The following CRACD variants were observed in gnomAD, a reference collection of about 807,000 sequenced individuals.
CRACD encodes capping protein-inhibiting regulator of actin dynamics.
A neutral mutation model predicts 106.8 loss-of-function variants in CRACD; 56 were observed. The observed-to-expected ratio is 0.52, with a 90% CI of 0.42 to 0.66. CRACD has a LOEUF of 0.66. Among genes scored for constraint, CRACD ranks in the 30% least tolerant of loss-of-function variants. The pLI is 0.00. For synonymous variants in CRACD, 754 were observed against 670.8 expected (o/e 1.12, Z -1.92); for missense variants, 1,730 against 1,623.2 (o/e 1.07, Z -1.13).
At chr4:56,095,505 G>A (rs1733571178) in intron 1 of CRACD, among the ~76,000 whole-genome samples, 1 of 152,138 alleles carries the variant, frequency 6.6e-6, no homozygotes, top group Non-Finnish European at 1.5e-5. Flanking sequence ...TGAAGAAATC[G>A]AGGTGGTAGC....
intron 2 of CRACD, among the ~76,000 whole-genome samples, chr4:56,217,403 A>G (rs1481207539): frequency 6.6e-6 from 1 of 150,614 alleles, no homozygotes; most frequent in Non-Finnish European, 1.5e-5. Context: ...ATGTAAAAGT[A>G]CATTGGTTCA....
Position 56,324,138 on chromosome 4 carries a change from TCAG to T in CRACD, c.3417_3419del (p.Ser1139del). On this transcript the variant is annotated inframe_deletion, in exon 10 of 11. Transcript: ENST00000682029. ...AGCGTGCAGCCTGGAAGCAGCAGTG[TCAG>T]CAGAGCAGGTTCCCTGCACAAGTCC... 1 of 1,613,860 alleles carries T rather than the reference TCAG, an allele frequency of 6.2e-7. No individual in the cohort carries two copies. Among genetic ancestry groups the T allele is most frequent in the Non-Finnish European group, 8.5e-7 (1 of 1,179,856 alleles).
At chr4:56,112,751 T>C (rs986771771) in intron 1 of CRACD, among the ~76,000 whole-genome samples, 3 of 152,116 alleles carry the variant, frequency 2.0e-5, no homozygotes, top group African/African-American at 4.8e-5. Flanking sequence ...TATTACCTTT[T>C]TGCTTGTCAG....
intron 1 of CRACD, among the ~76,000 whole-genome samples, chr4:56,065,586 T>C (rs1392172260): frequency 6.6e-6 from 1 of 152,220 alleles, no homozygotes; most frequent in African/African-American, 2.4e-5. Flanking sequence ...CAACTTCAGC[T>C]AAGTGTGCAC....
At chr4:56,116,107 TTGCACCAGGCTTAAGCTGTAAGAGATTG>T (rs1332097339) in intron 1 of CRACD, among the ~76,000 whole-genome samples, 2 of 152,220 alleles carry the variant, frequency 1.3e-5, no homozygotes, top group African/African-American at 4.8e-5. Context: ...TGATAATAAA[TTGCACCAGGCTTAAGCTGTAAGAGATTG>T]TAAGTCTTCT....
At chr4:56,239,185 C>T (rs1460153941) in intron 2 of CRACD, among the ~76,000 whole-genome samples, 2 of 151,984 alleles carry the variant, frequency 1.3e-5, no homozygotes, top group Admixed American at 1.3e-4. Flanking sequence ...CTCAGCTACT[C>T]AGGAGGCTGA....
At chr4:56,121,770 G>A (rs1468872173) in intron 1 of CRACD, among the ~76,000 whole-genome samples, 3 of 152,104 alleles carry the variant, frequency 2.0e-5, no homozygotes, top group Non-Finnish European at 4.4e-5. Context: ...TGTATCAGTG[G>A]GCATTCTGCA....
chr4:56,263,297 A>G (rs1577824544), intron 2 of CRACD, among the ~76,000 whole-genome samples: 2 of 152,204 alleles, frequency 1.3e-5, no homozygotes, highest in East Asian at 3.8e-4. Flanking sequence ...AGGCACAGTT[A>G]CAAAACAGCA....
At chr4:56,225,142 G>T (rs1412642984) in intron 2 of CRACD, among the ~76,000 whole-genome samples, 1 of 152,206 alleles carries the variant, frequency 6.6e-6, no homozygotes, top group East Asian at 1.9e-4. Flanking sequence ...AGGCTGGAGT[G>T]CAGTGGCACG....
chr4:56,109,864 A>G (rs373294742), intron 1 of CRACD, among the ~76,000 whole-genome samples: 344 of 152,250 alleles, frequency 2.3e-3, no homozygotes, highest in African/African-American at 7.6e-3. Flanking sequence ...CATGAGGCCC[A>G]ACATTCAAAT....
chr4:56,141,063 T>C (rs1366339886), intron 1 of CRACD, among the ~76,000 whole-genome samples: 1 of 152,202 alleles, frequency 6.6e-6, no homozygotes, highest in Admixed American at 6.5e-5. Context: ...GGCTTGTGGA[T>C]TGGAATACCT....
At chr4:56,163,813 T>C (rs1198985931) in intron 1 of CRACD, among the ~76,000 whole-genome samples, 1 of 152,116 alleles carries the variant, frequency 6.6e-6, no homozygotes. Flanking sequence ...TGGCACAGTC[T>C]CAGCTTACTG....
chr4:56,141,922 GACCTCAA>G (rs1469685734), intron 1 of CRACD, among the ~76,000 whole-genome samples: 1 of 151,740 alleles, frequency 6.6e-6, no homozygotes, highest in Admixed American at 6.6e-5. Context: ...TCCATCTCTT[GACCTCAA>G]GTGATCCTCC....
intron 1 of CRACD, among the ~76,000 whole-genome samples, chr4:56,159,383 G>T (rs1485091621): frequency 6.6e-6 from 1 of 152,218 alleles, no homozygotes; most frequent in Non-Finnish European, 1.5e-5. Flanking sequence ...GGACGCGGTG[G>T]CTCACGCCTG....
rs1745480346 is a variant in CRACD, at chr4:56,314,975, C to T, written c.1473C>T (p.Leu491=). The T allele has an allele frequency of 1.3e-6, 2 of 1,588,150 alleles. No homozygotes were observed. The highest frequency in any genetic ancestry group is 1.7e-6 in the Non-Finnish European group (2 of 1,168,736). Residue 491 remains leucine (L), a synonymous_variant, in exon 8 of 11, where the codon CTC becomes CTT. Transcript: ENST00000682029. The surrounding 1 kb of genome is among the most constrained non-coding windows in gnomAD (Gnocchi z 4.4). ...EKREEGDTEP[L]LKQEGPVEAA... ...GAGAAGAAGGGGACACGGAGCCTCT[C>T]CTGAAACAAGAGGGGCCGGTGGAAG...
rs532850080 is a variant in CRACD, at chr4:56,270,844, G to T, written c.-188-1477G>T. ...CGCCTGTAATCACAGCACTTTGGGA[G>T]GCCAAGGCGGACGGATCATTTGAGG... is the stretch of plus-strand genomic sequence containing the variant. On this transcript the variant is annotated intron_variant, in intron 2 of 10. Transcript: ENST00000682029. Among the ~76,000 whole-genome samples, 6 of 152,240 alleles carry T rather than the reference G, an allele frequency of 3.9e-5. No individual in the cohort carries two copies. In the South Asian group the frequency reaches 1.2e-3, roughly 32 times the overall value.
chr4:56,300,719 T>C (rs1744320517), intron 4 of CRACD, among the ~76,000 whole-genome samples: 1 of 152,192 alleles, frequency 6.6e-6, no homozygotes, highest in African/African-American at 2.4e-5. Context: ...AAAAATCTCT[T>C]GTCTTCAATG....
At chr4:56,118,295 C>T (rs1560456277) in intron 1 of CRACD, among the ~76,000 whole-genome samples, 3 of 152,178 alleles carry the variant, frequency 2.0e-5, no homozygotes, top group Non-Finnish European at 4.4e-5. Context: ...TGCTTCTGAG[C>T]GCTTTCATTT....
In CRACD at chr4:56,151,223, C is replaced by T. The variant is rs191503740; in HGVS notation, c.-335-28061C>T. On this transcript the variant is annotated intron_variant, in intron 1 of 10. Coordinates refer to ENST00000682029, the MANE Select transcript of CRACD (RefSeq NM_001393381.1). ...TGATGGCCAGGCTGCTGGTCTCGAA[C>T]TCCTGACCTCAGGCGATCTGCCTGC... Among the ~76,000 whole-genome samples, 923 of 152,250 alleles carry T rather than the reference C, an allele frequency of 6.1e-3. 4 individuals carry two copies. The highest frequency in any genetic ancestry group is 0.011 in the Non-Finnish European group (720 of 68,020).
Sources: allele counts gnomAD v4.1 joint callset (sites outside exome capture counted in the v4.1 genomes callset), GRCh38; gene constraint gnomAD v4.1.1; non-coding constraint Gnocchi (gnomAD v3.1); transcripts MANE v1.5; gene names NCBI Gene and HGNC (gene_info 2026-07-23, HGNC 2026-07-21).